Variants in ADGRL3 observed in about 807,000 individuals in gnomAD.
ADGRL3 encodes the protein calcium-independent alpha-latrotoxin receptor 3.
A neutral mutation model predicts 153.5 loss-of-function variants in ADGRL3; 62 were observed. That is an observed-to-expected ratio of 0.40 (90% confidence interval 0.33 to 0.50). The LOEUF (loss-of-function observed/expected upper bound fraction) is 0.50. Among genes scored for constraint, ADGRL3 ranks in the 20% least tolerant of loss-of-function variants. The pLI is 0.47. For missense variants in ADGRL3, 1,641 were observed against 1,859.4 expected, an observed-to-expected ratio of 0.88 and a Z score of 2.16; for synonymous variants, 710 against 672.5, an observed-to-expected ratio of 1.06 and a Z score of -0.86.
chr4:61,807,370 C>G (rs924621630), intron 8 of ADGRL3, among the ~76,000 whole-genome samples: 2 of 149,924 alleles, frequency 1.3e-5, no homozygotes, highest in Admixed American at 1.3e-4. Context: ...GTAATGCTTG[C>G]TACAATAGAT....
chr4:61,519,221 T>C (rs1189598693), intron 4 of ADGRL3, among the ~76,000 whole-genome samples: 1 of 152,186 alleles, frequency 6.6e-6, no homozygotes, highest in Non-Finnish European at 1.5e-5. Context: ...ACTGAATTTA[T>C]TCCCCAGTTT....
chr4:61,247,118 G>A (rs1364009699), intron 1 of ADGRL3, among the ~76,000 whole-genome samples: 1 of 151,880 alleles, frequency 6.6e-6, no homozygotes, highest in Non-Finnish European at 1.5e-5. Flanking sequence ...GAGCATATTG[G>A]CTTTCAAACC....
chr4:61,504,719 A>AT (rs879491552), intron 3 of ADGRL3, among the ~76,000 whole-genome samples: 7 of 151,786 alleles, frequency 4.6e-5, no homozygotes, highest in South Asian at 2.1e-4. Flanking sequence ...TTAGTTTAAT[A>AT]TTTTTTTTAT....
chr4:61,458,862 G>C (rs1312796442), intron 2 of ADGRL3, among the ~76,000 whole-genome samples: 1 of 151,004 alleles, frequency 6.6e-6, no homozygotes, highest in Non-Finnish European at 1.5e-5. Flanking sequence ...ATGATACTAG[G>C]ATCTCAAATT....
chr4:61,212,981 G>C (rs1740827525), intron 1 of ADGRL3, among the ~76,000 whole-genome samples: 1 of 152,050 alleles, frequency 6.6e-6, no homozygotes, highest in Non-Finnish European at 1.5e-5. Context: ...AATGAAATTT[G>C]CTTAGAGCCT....
At chr4:61,715,288 C>G (rs962119794) in intron 6 of ADGRL3, among the ~76,000 whole-genome samples, 1 of 152,140 alleles carries the variant, frequency 6.6e-6, no homozygotes, top group African/African-American at 2.4e-5. Flanking sequence ...ATCTATAAAA[C>G]TTTCTTCCTA....
At chr4:61,587,998 A>C (rs1240663886) in intron 5 of ADGRL3, among the ~76,000 whole-genome samples, 1 of 152,106 alleles carries the variant, frequency 6.6e-6, no homozygotes, top group South Asian at 2.1e-4. Flanking sequence ...CCATATTAAC[A>C]TCATATAAAT....
chr4:61,947,827 T>A (rs2098931821), intron 16 of ADGRL3, among the ~76,000 whole-genome samples: 1 of 152,236 alleles, frequency 6.6e-6, no homozygotes, highest in Admixed American at 6.5e-5. Flanking sequence ...CAATGTGTAT[T>A]AGAATTAGTG....
chr4:61,780,378 C>T (rs2097200604), intron 8 of ADGRL3, among the ~76,000 whole-genome samples: 1 of 152,172 alleles, frequency 6.6e-6, no homozygotes, highest in South Asian at 2.1e-4. Flanking sequence ...GTGTTTTGAT[C>T]TGTTCATATG....
chr4:61,522,527 C>T (rs984738066), intron 4 of ADGRL3, among the ~76,000 whole-genome samples: 3 of 152,190 alleles, frequency 2.0e-5, no homozygotes, highest in Non-Finnish European at 2.9e-5. Flanking sequence ...CATAATTTTA[C>T]GTACGATGAT....
intron 9 of ADGRL3, among the ~76,000 whole-genome samples, chr4:61,869,767 C>T (rs548094610): frequency 2.0e-5 from 3 of 150,178 alleles, no homozygotes; most frequent in South Asian, 4.2e-4. Context: ...GGAGAAACCC[C>T]GTCTCTACTA....
intron 2 of ADGRL3, among the ~76,000 whole-genome samples, chr4:61,424,046 G>A (rs1010862288): frequency 1.3e-5 from 2 of 152,078 alleles, no homozygotes; most frequent in African/African-American, 4.8e-5. Flanking sequence ...GGGTCCAAAG[G>A]GAGTTGATGG....
intron 17 of ADGRL3, among the ~76,000 whole-genome samples, chr4:61,971,399 C>T (rs184873968): frequency 2.6e-5 from 4 of 151,992 alleles, no homozygotes; most frequent in African/African-American, 7.3e-5. Context: ...TGAGTGAGAA[C>T]ATGTGGTGTT....
At chr4:61,400,737 G>A (rs2096919968) in intron 2 of ADGRL3, among the ~76,000 whole-genome samples, 1 of 150,982 alleles carries the variant, frequency 6.6e-6, no homozygotes, top group South Asian at 2.1e-4. Flanking sequence ...CTGTGTGAAG[G>A]CATTACAGTG....
chr4:61,463,705 A>G (rs887156896), intron 2 of ADGRL3, among the ~76,000 whole-genome samples: 2 of 152,224 alleles, frequency 1.3e-5, no homozygotes, highest in Non-Finnish European at 2.9e-5. Context: ...ACAGGAAGAT[A>G]ATAAATATGG....
intron 15 of ADGRL3, among the ~76,000 whole-genome samples, chr4:61,939,857 T>C (rs2098872600): frequency 6.6e-6 from 1 of 152,210 alleles, no homozygotes. Flanking sequence ...CAAAATATTT[T>C]TAAGACTCAC....
chr4:61,318,855 T>A (rs1192610945), intron 1 of ADGRL3, among the ~76,000 whole-genome samples: 1 of 152,206 alleles, frequency 6.6e-6, no homozygotes, highest in Non-Finnish European at 1.5e-5. Flanking sequence ...ATTTAAAATA[T>A]TTTACATAAT....
At chr4:61,619,599 G>C (rs1026029026) in intron 5 of ADGRL3, among the ~76,000 whole-genome samples, 1 of 151,090 alleles carries the variant, frequency 6.6e-6, no homozygotes, top group African/African-American at 2.4e-5. Context: ...TTATACTTTC[G>C]ATTTACAGCA....
intron 5 of ADGRL3, among the ~76,000 whole-genome samples, chr4:61,621,334 G>A (rs765750260): frequency 2.0e-5 from 3 of 152,050 alleles, no homozygotes; most frequent in South Asian, 2.1e-4. Flanking sequence ...CAGCAACAAT[G>A]GTGATAAATA....
Sources: gnomAD v4.1 joint callset for allele counts (sites outside exome capture counted in the v4.1 genomes callset) on GRCh38, gnomAD v4.1.1 for gene constraint, MANE v1.5 for transcripts, NCBI Gene and HGNC (gene_info 2026-07-23, HGNC 2026-07-21) for gene names.